Variants in TNNI3K observed in about 807,000 individuals in gnomAD.
TNNI3K encodes the protein TNNI3 interacting kinase, also known as serine/threonine-protein kinase TNNI3K.
TNNI3K carries 140 observed loss-of-function variants against 114.5 expected under a neutral mutation model. The ratio of observed to expected loss-of-function variants is 1.22; its 90% CI spans 1.07 to 1.41. The LOEUF (loss-of-function observed/expected upper bound fraction) is 1.41. TNNI3K is among the 40% of genes most tolerant of loss of function. The pLI, the probability that TNNI3K is intolerant of heterozygous loss-of-function variation, is 0.00. For missense variants in TNNI3K, 1,125 were observed against 1,007.6 expected, an observed-to-expected ratio of 1.12 and a Z score of -1.58; for synonymous variants, 347 against 347.5, an observed-to-expected ratio of 1.00 and a Z score of 0.02.
intron 17 of TNNI3K, among the ~76,000 whole-genome samples, chr1:74,411,167 G>T (rs554591487): frequency 6.6e-6 from 1 of 152,178 alleles, no homozygotes; most frequent in East Asian, 1.9e-4. Flanking sequence ...ATATACTGTA[G>T]ATTTTTATAT....
At position 74,379,022 on chromosome 1, in the gene TNNI3K, T is replaced by C. The variant is rs558506417; in HGVS notation, c.1772+8630T>C. ...TTCACAATTTATGAACTAATAGCAGTAATTGGGAAATGAATGAAAACTACT... is the reference window on the plus strand; with the variant it reads ...TTCACAATTTATGAACTAATAGCAGCAATTGGGAAATGAATGAAAACTACT... On this transcript the variant is annotated intron_variant, in intron 17 of 24. Transcript: ENST00000326637. Among the ~76,000 whole-genome samples, 143 of 152,098 alleles carry C rather than the reference T, an allele frequency of 9.4e-4. 1 individual carries two copies. Among genetic ancestry groups the C allele is most frequent in the Non-Finnish European group, 7.4e-5 (5 of 67,988 alleles).
rs187423837 is a variant in TNNI3K at position 74,254,825 on chromosome 1, G to A, written c.333+4056G>A. On this transcript the variant is annotated intron_variant, in intron 4 of 24. Transcript: ENST00000326637. The stretch of plus-strand genomic sequence containing the variant: ...TGAAAGGACAGCTACTCCATAGACA[G>A]GGTAGGATGTTCCTGAAAGTAAGAG... 2.2e-3 allele frequency among the ~76,000 whole-genome samples: 331 copies of A among 152,300 alleles called. 2 individuals are homozygous for A. The highest frequency in any genetic ancestry group is 7.3e-3 in the African/African-American group (304 of 41,560).
intron 2 of TNNI3K, among the ~76,000 whole-genome samples, chr1:74,236,932 A>G (rs1349721640): frequency 3.3e-5 from 5 of 151,924 alleles, no homozygotes; most frequent in African/African-American, 7.2e-5. Flanking sequence ...AAAGTTCCAT[A>G]TAGGCCAATT....
intron 2 of TNNI3K, among the ~76,000 whole-genome samples, chr1:74,239,601 A>G (rs139273948): frequency 1.3e-5 from 2 of 152,256 alleles, no homozygotes; most frequent in African/African-American, 4.8e-5. Context: ...ACTAGCATGA[A>G]ACGTAAAGGA....
intron 10 of TNNI3K, 114 bp from the exon 11 acceptor site, chr1:74,353,866 C>A: frequency 7.2e-7 from 1 of 1,383,554 alleles, no homozygotes; most frequent in Non-Finnish European, 9.6e-7. Context: ...GAAATCAATC[C>A]TTACTTCATA....
Position 74,294,167 on chromosome 1 carries a change from T to G in TNNI3K, c.444+22459T>G, listed in dbSNP as rs185612097. Among the ~76,000 whole-genome samples the G allele has an allele frequency of 1.1e-3, 172 of 152,014 alleles. 1 individual carries two copies. The highest frequency in any genetic ancestry group is 1.4e-3 in the Non-Finnish European group (95 of 67,812). ...GATGTTTTGATAGATTCTTGATATTTTCTTTAGAATTTTTGCAACTGTATT... is the reference window on the plus strand; with the variant it reads ...GATGTTTTGATAGATTCTTGATATTGTCTTTAGAATTTTTGCAACTGTATT... On this transcript the variant is annotated intron_variant, in intron 5 of 24. Coordinates refer to ENST00000326637, the MANE Select transcript of TNNI3K (RefSeq NM_015978.3).
At chr1:74,428,877 G>A (rs1034232443) in intron 17 of TNNI3K, among the ~76,000 whole-genome samples, 1 of 152,096 alleles carries the variant, frequency 6.6e-6, no homozygotes, top group African/African-American at 2.4e-5. Context: ...CGAGGTTACA[G>A]TGAGCTATGA....
rs561739290 is a variant in TNNI3K, at chr1:74,351,612, C to T, written c.933-1654C>T. 9.2e-5 allele frequency among the ~76,000 whole-genome samples: 14 copies of T among 152,280 alleles called. No homozygotes were observed. The East Asian group carries it at 1.2e-3, about 13-fold the overall frequency. ...GTCACTTTCAGGTACACCAATGAGA[C>T]GTAGATTTGGTCTTTTCACATAGTC... On this transcript the variant is annotated intron_variant, in intron 9 of 24. Coordinates refer to ENST00000326637, the MANE Select transcript of TNNI3K (RefSeq NM_015978.3).
At chr1:74,509,245 C>T (rs1010202131) in intron 23 of TNNI3K, among the ~76,000 whole-genome samples, 1 of 152,118 alleles carries the variant, frequency 6.6e-6, no homozygotes, top group Non-Finnish European at 1.5e-5. Flanking sequence ...GTCAAGTTGC[C>T]ATTTGGAATA....
intron 5 of TNNI3K, among the ~76,000 whole-genome samples, chr1:74,285,938 A>G (rs1276873792): frequency 6.6e-6 from 1 of 152,232 alleles, no homozygotes; most frequent in Non-Finnish European, 1.5e-5. Flanking sequence ...TGTCAGCAGT[A>G]TGGCAGAATA....
At chr1:74,464,719 T>C (rs1463726095) in intron 21 of TNNI3K, 7 of 1,586,438 alleles carry the variant, frequency 4.4e-6, no homozygotes, top group Non-Finnish European at 6.0e-6. Flanking sequence ...TTTTGGGATG[T>C]GGATTGAGTA....
chr1:74,284,345 C>A (rs1032522541), intron 5 of TNNI3K, among the ~76,000 whole-genome samples: 24 of 152,188 alleles, frequency 1.6e-4, no homozygotes, highest in Admixed American at 1.4e-3. Context: ...GAGGCTAAAG[C>A]CCCCATAACT....
intron 23 of TNNI3K, among the ~76,000 whole-genome samples, chr1:74,529,555 T>C (rs1304650204): frequency 6.6e-6 from 1 of 152,312 alleles, no homozygotes; most frequent in Non-Finnish European, 1.5e-5. Flanking sequence ...ATTGAGATAA[T>C]TGGCAAAACT....
At position 74,331,583 on chromosome 1, in the gene TNNI3K, G is replaced by A. The variant is rs1660210007; in HGVS notation, c.543+35G>A. The A allele has an allele frequency of 5.7e-6, 9 of 1,572,860 alleles. No homozygotes were observed. The East Asian group carries it at 2.0e-4, about 36-fold the overall frequency. ...ACAGTAGGATTTCCAAAGGTTAGGTGTTGCTTAAGTGTAGGCTTTTGTTGA... is the reference window on the plus strand; with the variant it reads ...ACAGTAGGATTTCCAAAGGTTAGGTATTGCTTAAGTGTAGGCTTTTGTTGA... On this transcript the variant is annotated intron_variant, in intron 6 of 24. Coordinates refer to ENST00000326637, the MANE Select transcript of TNNI3K (RefSeq NM_015978.3).
At chr1:74,397,315 A>G (rs1664137467) in intron 17 of TNNI3K, among the ~76,000 whole-genome samples, 1 of 152,158 alleles carries the variant, frequency 6.6e-6, no homozygotes. Context: ...AAGGAAGAGT[A>G]CAAGAGGAAG....
intron 11 of TNNI3K, among the ~76,000 whole-genome samples, chr1:74,358,668 G>A (rs1260706623): frequency 6.6e-6 from 1 of 151,978 alleles, no homozygotes. Flanking sequence ...CTGGTTTAGT[G>A]TGCAAGAGTG....
At chr1:74,367,791 G>T in intron 12 of TNNI3K, 117 bp from the exon 13 acceptor site, 1 of 888,294 alleles carries the variant, frequency 1.1e-6, no homozygotes, top group Non-Finnish European at 1.7e-6. Context: ...AGAAAGATTT[G>T]GGCCTGAAGC....
intron 21 of TNNI3K, chr1:74,475,401 T>C (rs1204768299): frequency 1.4e-6 from 1 of 717,186 alleles, no homozygotes; most frequent in Non-Finnish European, 2.6e-6. Flanking sequence ...TAAGTAAGCC[T>C]GCTTCATTAA....
chr1:74,533,750 A>T (rs1646623738), intron 23 of TNNI3K, among the ~76,000 whole-genome samples: 1 of 152,064 alleles, frequency 6.6e-6, no homozygotes, highest in Non-Finnish European at 1.5e-5. Flanking sequence ...TGATGAGTTC[A>T]TGTCCTTTGT....
Sources: gnomAD v4.1 joint callset for allele counts (sites outside exome capture counted in the v4.1 genomes callset) on GRCh38, gnomAD v4.1.1 for gene constraint, MANE v1.5 for transcripts, NCBI Gene and HGNC (gene_info 2026-07-23, HGNC 2026-07-21) for gene names.